PFKFB3: variants seen among roughly 807,000 people sequenced by gnomAD.
The protein encoded by PFKFB3 is 6-phosphofructo-2-kinase/fructose-2,6-bisphosphatase 3.
Under a neutral mutation model 68.0 loss-of-function variants are expected in PFKFB3, and 33 were observed. The observed-to-expected ratio is 0.49, with a 90% confidence interval of 0.37 to 0.65. PFKFB3 has a LOEUF of 0.65. Among genes scored for constraint, PFKFB3 ranks in the 30% least tolerant of loss-of-function variants. The pLI, the probability that PFKFB3 is intolerant of heterozygous loss-of-function variation, is 0.00. For missense variants in PFKFB3, 586 were observed against 712.2 expected (o/e 0.82, Z 2.02); for synonymous variants, 315 against 288.2 (o/e 1.09, Z -0.94).
At chr10:6,224,478 A>G in intron 13 of PFKFB3, 1 of 624,926 alleles carries the variant, frequency 1.6e-6, no homozygotes, top group Non-Finnish European at 2.9e-6. Flanking sequence ...AGGAAGATAC[A>G]TTCTCTCTTT....
chr10:6,243,225 C>G (rs545854625), intron 14 of PFKFB3, among the ~76,000 whole-genome samples: 29 of 152,182 alleles, frequency 1.9e-4, no homozygotes, highest in Non-Finnish European at 3.4e-4. Context: ...AGAGAGATCC[C>G]TTTAACAACC....
At chr10:6,177,354 C>CTCCTT (rs1554842849) in intron 1 of PFKFB3, among the ~76,000 whole-genome samples, 3 of 77,924 alleles carry the variant, frequency 3.8e-5, no homozygotes, top group African/African-American at 1.3e-4. Context: ...CTTTTCTTTT[C>CTCCTT]TCTTTCTTTC....
chr10:6,308,183 A>C, the PFKFB3 span, among the ~76,000 whole-genome samples: 2 of 152,220 alleles, frequency 1.3e-5, no homozygotes, highest in Non-Finnish European at 2.9e-5. Flanking sequence ...TGACTTCAAA[A>C]CAGCCTTTTC....
At chr10:6,302,605 T>C in the PFKFB3 span, among the ~76,000 whole-genome samples, 1 of 151,278 alleles carries the variant, frequency 6.6e-6, no homozygotes, top group Non-Finnish European at 1.5e-5. Flanking sequence ...GGTCTCGAAC[T>C]CTTGACCTCA....
chr10:6,320,950 G>A, the PFKFB3 span, among the ~76,000 whole-genome samples: 1 of 152,178 alleles, frequency 6.6e-6, no homozygotes, highest in Non-Finnish European at 1.5e-5. Context: ...TCTAAATGGT[G>A]AGCGTTGGGT....
chr10:6,313,026 G>A, the PFKFB3 span, among the ~76,000 whole-genome samples: 3 of 152,206 alleles, frequency 2.0e-5, no homozygotes, highest in Non-Finnish European at 4.4e-5. The surrounding 1 kb of genome is among the most constrained non-coding windows in gnomAD (Gnocchi z 4.2). Context: ...TGTATGAACT[G>A]GGGGGTAGAA....
Position 6,228,461 on chromosome 10 carries a change from G to A in PFKFB3, c.1515+2096G>A, listed in dbSNP as rs576529781. On this transcript the variant is annotated intron_variant, in intron 14 of 14. Transcript: ENST00000379775. The surrounding 1 kb of genome is among the most constrained non-coding windows in gnomAD (Gnocchi z 4.5). ...TGTGTTCCGACACCGCCGCACGACC[G>A]CTGGCTTCTCCCCTACCCTCTCAGG... is the stretch of plus-strand genomic sequence containing the variant. 1.1e-4 allele frequency among the ~76,000 whole-genome samples: 17 copies of A among 152,150 alleles called. No homozygotes were observed. The highest frequency in any genetic ancestry group is 2.2e-4 in the African/African-American group (9 of 41,506).
At chr10:6,186,181 G>C (rs1196205786) in intron 1 of PFKFB3, among the ~76,000 whole-genome samples, 1 of 152,164 alleles carries the variant, frequency 6.6e-6, no homozygotes, top group East Asian at 1.9e-4. Flanking sequence ...TAGAAAGTTT[G>C]TATTAGCATT....
At chr10:6,192,664 C>CGTGTGTGTGTGTGTGTGT (rs34129264) in intron 1 of PFKFB3, among the ~76,000 whole-genome samples, 2 of 128,792 alleles carry the variant, frequency 1.6e-5, no homozygotes, top group African/African-American at 2.8e-5. Context: ...TCCCCTCACC[C>CGTGTGTGTGTGTGTGTGT]GTGTGTGTGT....
chr10:6,288,193 CT>C, the PFKFB3 span, among the ~76,000 whole-genome samples: 3,447 of 133,244 alleles, frequency 0.026, 72 homozygotes, highest in African/African-American at 0.062. Flanking sequence ...TGGCTTCTTT[CT>C]TTTTTTTTTT....
the PFKFB3 span, among the ~76,000 whole-genome samples, chr10:6,270,593 C>T: frequency 5.9e-5 from 9 of 152,186 alleles, no homozygotes; most frequent in Admixed American, 5.9e-4. Flanking sequence ...CCATGTAACA[C>T]CTTTGTGCTT....
chr10:6,207,722 G>A lies in PFKFB3; in HGVS notation c.76+4386G>A, dbSNP rs1293679818. 5.3e-5 allele frequency among the ~76,000 whole-genome samples: 8 copies of A among 152,330 alleles called. No homozygotes were observed. The South Asian group carries it at 1.0e-3, about 20-fold the overall frequency. On this transcript the variant is annotated intron_variant, in intron 1 of 14. Transcript: ENST00000379775. ...ATTCTTGCCTTGGAGGCACCTTAAC[G>A]GGATGCCCTGTTGCTACATCAACAT...
At chr10:6,177,430 T>TTC (rs1564599816) in intron 1 of PFKFB3, among the ~76,000 whole-genome samples, 1 of 67,372 alleles carries the variant, frequency 1.5e-5, no homozygotes, top group African/African-American at 4.5e-5. Flanking sequence ...TCTTCCTTTC[T>TTC]TTTCTTTCTC....
chr10:6,245,000 C>T (rs1045412647), intron 14 of PFKFB3, among the ~76,000 whole-genome samples: 2 of 152,168 alleles, frequency 1.3e-5, no homozygotes, highest in Non-Finnish European at 2.9e-5. Flanking sequence ...GTTTAAACTC[C>T]ACCACTTTAC....
chr10:6,152,269 A>T lies in PFKFB3; in HGVS notation c.16+7256A>T, dbSNP rs1384976929. On this transcript the variant is annotated intron_variant, in intron 1 of 14. Coordinates refer to the PFKFB3 transcript ENST00000379789. ...TTCCCAGGCTCTGCAGTGGGAACTG[A>T]TGCCTGGAACAGTTCCTGCAGCCGG... is the stretch of plus-strand genomic sequence containing the variant. 2.0e-5 allele frequency: 3 copies of T among 151,946 alleles called. No individual in the cohort carries two copies. The South Asian group carries it at 6.3e-4, about 32-fold the overall frequency. The allele number at this position is 151,946 out of a possible 1,614,324, so 9.4% of individuals were successfully genotyped here.
At chr10:6,223,933 T>C (rs759418172) in intron 11 of PFKFB3, 25 bp from the exon 12 acceptor site, 2 of 1,608,242 alleles carry the variant, frequency 1.2e-6, no homozygotes, top group Non-Finnish European at 1.7e-6. Flanking sequence ...CATTTCTAAC[T>C]GTGGGTGTAC....
the PFKFB3 span, among the ~76,000 whole-genome samples, chr10:6,287,677 C>A: frequency 6.6e-6 from 1 of 152,114 alleles, no homozygotes; most frequent in Non-Finnish European, 1.5e-5. Flanking sequence ...CCTGACTGTA[C>A]TTTATAGCAG....
At chr10:6,276,637 T>C in the PFKFB3 span, among the ~76,000 whole-genome samples, 1 of 102,508 alleles carries the variant, frequency 9.8e-6, no homozygotes, top group East Asian at 3.0e-4. Flanking sequence ...AGGAAAAAAC[T>C]TGAGGAGTAA....
intron 14 of PFKFB3, among the ~76,000 whole-genome samples, chr10:6,244,477 G>T (rs1054065666): frequency 6.6e-6 from 1 of 152,130 alleles, no homozygotes. Context: ...TTCGGGGCAG[G>T]CCTGAGAATT....
Sources: gnomAD v4.1 joint callset for allele counts (sites outside exome capture counted in the v4.1 genomes callset) on GRCh38, gnomAD v4.1.1 for gene constraint, Gnocchi (gnomAD v3.1) non-coding constraint, MANE v1.5 for transcripts, NCBI Gene and HGNC (gene_info 2026-07-23, HGNC 2026-07-21) for gene names.